Variants in SPICE1 observed in about 807,000 individuals in gnomAD.
SPICE1 encodes spindle and centriole associated protein 1.
SPICE1 carries 75 observed loss-of-function variants against 102.7 expected under a neutral mutation model. That is an observed-to-expected ratio of 0.73 (90% CI 0.61 to 0.88). The LOEUF (loss-of-function observed/expected upper bound fraction) is 0.88, where lower values mean the gene tolerates loss of function less well. SPICE1 is among the 40% of genes least tolerant of loss of function. The pLI is 0.00. For synonymous variants in SPICE1, 308 were observed against 350.3 expected (o/e 0.88, Z 1.35); for missense variants, 979 against 1,020.1 (o/e 0.96, Z 0.55).
chr3:113,446,605 A>G lies in SPICE1; in HGVS notation c.2498T>C (p.Leu833Pro). 2 of 1,613,524 alleles carry G rather than the reference A, an allele frequency of 1.2e-6. No individual in the cohort carries two copies. Among genetic ancestry groups the G allele is most frequent in the South Asian group, 2.2e-5 (2 of 90,944 alleles). ...AACGTGTACCTTTGCTCTTGGATTAAGAGGTGTGAATCTCCCACTTCCTGA... is the reference window on the plus strand; with the variant it reads ...AACGTGTACCTTTGCTCTTGGATTAGGAGGTGTGAATCTCCCACTTCCTGA... ...ATSGSGRFTP[L>P]NPRAKIEKQN... Residue 833 changes from leucine to proline, a missense_variant, in exon 17 of 18, where the codon CTT becomes CCT. Leu to Pro is a moderately conservative substitution (Grantham distance 98). Coordinates refer to ENST00000295872, the MANE Select transcript of SPICE1 (RefSeq NM_144718.4).
Position 113,453,418 on chromosome 3 carries a change from C to T in SPICE1, c.2142+48G>A, listed in dbSNP as rs760798233. ...TCTTAAGTTGCCCAAGCTAAAGTTC[C>T]TATTTAAATTCCTATATGTCCCTAA... On this transcript the variant is annotated intron_variant, in intron 14 of 17. Transcript: ENST00000295872. The T allele has an allele frequency of 3.9e-6, 6 of 1,525,942 alleles. No homozygotes were observed. In the South Asian group the frequency reaches 8.0e-5, roughly 20 times the overall value. The allele number at this position is 1,525,942 out of a possible 1,614,324, so 94.5% of individuals were successfully genotyped here. A position where few individuals can be genotyped will look rare whatever the true frequency, so the allele number is the denominator to read the frequency against.
chr3:113,457,455 A>C, intron 12 of SPICE1, 98 bp from the exon 13 acceptor site: 1 of 1,150,884 alleles, frequency 8.7e-7, no homozygotes, highest in Non-Finnish European at 1.2e-6. Context: ...TAGAGTGCAA[A>C]ATCCACATGA....
chr3:113,467,010 C>A (rs1936073935), intron 10 of SPICE1, among the ~76,000 whole-genome samples: 1 of 152,028 alleles, frequency 6.6e-6, no homozygotes, highest in Non-Finnish European at 1.5e-5. Context: ...GATCATGCCA[C>A]TACTGCACCC....
intron 10 of SPICE1, among the ~76,000 whole-genome samples, chr3:113,466,412 C>T (rs1216516589): frequency 3.9e-5 from 6 of 152,000 alleles, no homozygotes; most frequent in Non-Finnish European, 8.8e-5. Flanking sequence ...TCGAGACCAT[C>T]CTGGCCAACA....
intron 14 of SPICE1, among the ~76,000 whole-genome samples, chr3:113,453,245 A>G (rs1216708124): frequency 1.3e-5 from 2 of 152,042 alleles, no homozygotes; most frequent in Non-Finnish European, 2.9e-5. Flanking sequence ...TCTTTGTCCT[A>G]TTTTCATTTA....
At chr3:113,475,377 C>T (rs1936316837) in intron 7 of SPICE1, among the ~76,000 whole-genome samples, 1 of 152,108 alleles carries the variant, frequency 6.6e-6, no homozygotes, top group African/African-American at 2.4e-5. Context: ...TGGTACCATT[C>T]CTTCTGAAAC....
chr3:113,448,114 A>C lies in SPICE1; in HGVS notation c.2350T>G (p.Ser784Ala). Residue 784 changes from serine (S) to alanine (A), a missense_variant, in exon 16 of 18, where the codon TCT becomes GCT. Coordinates refer to ENST00000295872, the MANE Select transcript of SPICE1 (RefSeq NM_144718.4). ...TCTGGGGCTTCTGCTCCTGGAATAG[A>C]TACCTCAATTGTCCTCTTTGCTCCT... is the stretch of plus-strand genomic sequence containing the variant. ...TEGAKRTIEV[S>A]IPGAEAPESS... The C allele has an allele frequency of 6.2e-7, 1 of 1,611,528 alleles. No homozygotes were observed. The highest frequency in any genetic ancestry group is 8.5e-7 in the Non-Finnish European group (1 of 1,178,750).
intron 1 of SPICE1, among the ~76,000 whole-genome samples, chr3:113,512,066 A>G (rs148154154): frequency 2.0e-5 from 3 of 152,228 alleles, no homozygotes; most frequent in Non-Finnish European, 4.4e-5. Context: ...AGAAGCTAAA[A>G]CTCCAGATGA....
At chr3:113,501,716 C>T (rs908828552) in intron 3 of SPICE1, among the ~76,000 whole-genome samples, 13 of 152,104 alleles carry the variant, frequency 8.5e-5, no homozygotes, top group Admixed American at 5.2e-4. Flanking sequence ...CACAATGAGA[C>T]AGCACTTTAC....
chr3:113,491,518 A>G (rs72946748), intron 6 of SPICE1, among the ~76,000 whole-genome samples: 37,799 of 150,390 alleles, frequency 0.25, 5,054 homozygotes, highest in African/African-American at 0.35. Flanking sequence ...CCAGCTACTC[A>G]GGAGGCTGAG....
Position 113,453,903 on chromosome 3 carries a change from T to A in SPICE1, c.1705A>T (p.Thr569Ser). The A allele has an allele frequency of 6.2e-7, 1 of 1,614,076 alleles. No individual in the cohort carries two copies. Among genetic ancestry groups the A allele is most frequent in the East Asian group, 2.2e-5 (1 of 44,876 alleles). Reference protein sequence around the residue: ...QTRPAPRLPPTVEIIEKEQNW... With the variant: ...QTRPAPRLPPSVEIIEKEQNW... ...TGTTCCTTCTCAATTATTTCCACAG[T>A]TGGAGGAAGTCGTGGAGCAGGACGA... Residue 569 changes from threonine to serine, a missense_variant, in exon 14 of 18, where the codon ACT becomes TCT. By Grantham distance (58) the Thr-to-Ser change is moderately conservative. Transcript: ENST00000295872.
At chr3:113,489,789 A>G (rs1053438168) in intron 6 of SPICE1, among the ~76,000 whole-genome samples, 4 of 143,238 alleles carry the variant, frequency 2.8e-5, no homozygotes, top group African/African-American at 7.8e-5. Flanking sequence ...TCGAGGCTGC[A>G]GTGAGTTGTG....
intron 10 of SPICE1, among the ~76,000 whole-genome samples, chr3:113,466,293 A>G (rs1240061602): frequency 6.6e-6 from 1 of 152,220 alleles, no homozygotes; most frequent in East Asian, 1.9e-4. Flanking sequence ...TAACTTTGTA[A>G]AACAAGTGAT....
intron 2 of SPICE1, among the ~76,000 whole-genome samples, chr3:113,503,834 G>T (rs1306622789): frequency 1.3e-4 from 19 of 151,324 alleles, no homozygotes; most frequent in Admixed American, 1.3e-3. Context: ...TCAGGAGGCT[G>T]AGGCAGGAGA....
chr3:113,473,232 C>G (rs986210164), intron 7 of SPICE1, among the ~76,000 whole-genome samples: 23 of 151,520 alleles, frequency 1.5e-4, no homozygotes, highest in South Asian at 6.3e-4. Context: ...GGGAAGTTTA[C>G]AGAAAAAAGA....
At chr3:113,514,702 A>C in intron 1 of SPICE1, 195 bp downstream of exon 1, 1 of 1,161,244 alleles carries the variant, frequency 8.6e-7, no homozygotes, top group Non-Finnish European at 1.1e-6. Context: ...ATCGATTTAA[A>C]TGACGCTCCC....
intron 6 of SPICE1, among the ~76,000 whole-genome samples, chr3:113,492,547 T>C (rs1303621157): frequency 2.0e-5 from 3 of 152,204 alleles, no homozygotes; most frequent in East Asian, 1.9e-4. Flanking sequence ...TATAACTAGT[T>C]GATACATTGC....
chr3:113,483,317 G>A (rs1427717208), intron 7 of SPICE1, among the ~76,000 whole-genome samples: 1 of 152,152 alleles, frequency 6.6e-6, no homozygotes, highest in African/African-American at 2.4e-5. Flanking sequence ...TGAGACGATG[G>A]TGTTTTCTAA....
chr3:113,480,264 G>A (rs1936460531), intron 7 of SPICE1, among the ~76,000 whole-genome samples: 1 of 149,980 alleles, frequency 6.7e-6, no homozygotes, highest in Admixed American at 6.7e-5. Flanking sequence ...TTTCAAAGGA[G>A]GAAAGCTATC....
Sources: gnomAD v4.1 joint callset for allele counts (sites outside exome capture counted in the v4.1 genomes callset) on GRCh38, gnomAD v4.1.1 for gene constraint, MANE v1.5 for transcripts, NCBI Gene and HGNC (gene_info 2026-07-23, HGNC 2026-07-21) for gene names.